The following MICOS10 variants were observed in gnomAD, a reference collection of about 807,000 sequenced individuals.
MICOS10 encodes MICOS complex subunit MIC10.
Under a neutral mutation model 13.4 loss-of-function variants are expected in MICOS10, and 5 were observed. The ratio of observed to expected loss-of-function variants is 0.37; its 90% CI spans 0.20 to 0.78. The LOEUF is 0.78. Among genes scored for constraint, MICOS10 ranks in the 30% least tolerant of loss-of-function variants. The probability of loss-of-function intolerance (pLI) is 0.47; values close to 1 mark genes in which losing one functional copy is unlikely to be tolerated. For synonymous variants in MICOS10, 35 were observed against 33.6 expected (o/e 1.04, Z -0.15); for missense variants, 101 against 94.6 (o/e 1.07, Z -0.28).
intron 1 of MICOS10, 141 bp downstream of exon 1, chr1:19,597,250 G>T (rs958682441): frequency 1.0e-5 from 9 of 869,582 alleles, no homozygotes; most frequent in Middle Eastern, 3.5e-4. Flanking sequence ...AGGGCGAGCC[G>T]CCCGGGCCCC....
intron 1 of MICOS10, chr1:19,600,937 T>C (rs2094811767): frequency 7.8e-7 from 1 of 1,289,274 alleles, no homozygotes; most frequent in African/African-American, 1.5e-5. Flanking sequence ...TGGCAAAGAC[T>C]GAAGGGAAGC....
intron 1 of MICOS10, chr1:19,608,186 G>A: frequency 7.3e-7 from 1 of 1,372,674 alleles, no homozygotes; most frequent in Non-Finnish European, 1.0e-6. Flanking sequence ...GGCTGAAGGG[G>A]AGAATGTATT....
chr1:19,605,055 A>G (rs908526998), intron 1 of MICOS10, among the ~76,000 whole-genome samples: 3 of 152,170 alleles, frequency 2.0e-5, no homozygotes, highest in Non-Finnish European at 4.4e-5. Context: ...CATTTTTACA[A>G]TGGAAGCTCA....
intron 1 of MICOS10, chr1:19,608,753 T>C (rs2100271403): frequency 8.0e-6 from 4 of 500,144 alleles, no homozygotes; most frequent in South Asian, 4.6e-5. Context: ...AAACTTTTGC[T>C]CTTTGAATGG....
chr1:19,615,233 C>G (rs1046981410), intron 1 of MICOS10, among the ~76,000 whole-genome samples: 1 of 152,150 alleles, frequency 6.6e-6, no homozygotes, highest in African/African-American at 2.4e-5. Flanking sequence ...GTACTCTTGC[C>G]CTTTAGTGCT....
At chr1:19,608,792 G>T (rs1013626940) in intron 1 of MICOS10, among the ~76,000 whole-genome samples, 1 of 151,848 alleles carries the variant, frequency 6.6e-6, no homozygotes, top group Non-Finnish European at 1.5e-5. Flanking sequence ...AAGGCAAGCC[G>T]CAGAATGGGA....
At chr1:19,622,959 G>T (rs1009904876) in intron 2 of MICOS10, among the ~76,000 whole-genome samples, 1 of 124,960 alleles carries the variant, frequency 8.0e-6, no homozygotes, top group East Asian at 2.3e-4. Context: ...GTCTTGCTCT[G>T]TCGCCAGGCT....
intron 1 of MICOS10, among the ~76,000 whole-genome samples, chr1:19,615,337 C>A (rs914016696): frequency 2.7e-5 from 4 of 148,614 alleles, no homozygotes; most frequent in African/African-American, 1.0e-4. Context: ...TACTAGTCTT[C>A]CAAGTGTTTT....
At chr1:19,614,038 A>G (rs949780860) in intron 1 of MICOS10, among the ~76,000 whole-genome samples, 1 of 152,152 alleles carries the variant, frequency 6.6e-6, no homozygotes, top group Admixed American at 6.5e-5. Context: ...CCAGAAAACA[A>G]TGTAGATGTT....
chr1:19,620,572 A>G (rs2094899500), intron 1 of MICOS10, among the ~76,000 whole-genome samples: 1 of 152,248 alleles, frequency 6.6e-6, no homozygotes, highest in Non-Finnish European at 1.5e-5. Flanking sequence ...TTGAACTAAG[A>G]CCATAGAGCA....
chr1:19,626,291 G>A (rs2100340988), intron 3 of MICOS10, 96 bp from the exon 4 acceptor site: 1 of 1,462,960 alleles, frequency 6.8e-7, no homozygotes, highest in East Asian at 2.3e-5. Flanking sequence ...TAAGGTTTTG[G>A]CTTCTGGCCC....
At chr1:19,610,942 AT>A (rs2094858179) in intron 1 of MICOS10, among the ~76,000 whole-genome samples, 1 of 149,316 alleles carries the variant, frequency 6.7e-6, no homozygotes, top group African/African-American at 2.6e-5. Context: ...GGAATTTTTT[AT>A]TTATTTCTCT....
chr1:19,626,489 T>A lies in MICOS10; in HGVS notation c.*88T>A. The A allele has an allele frequency of 7.0e-7, 1 of 1,425,462 alleles. No homozygotes were observed. The highest frequency in any genetic ancestry group is 1.4e-5 in the African/African-American group (1 of 71,470). 88.3% of individuals were successfully genotyped at this position (1,425,462 alleles called of 1,614,324 possible). On this transcript the variant is annotated 3_prime_UTR_variant, in exon 4 of 4. Transcript: ENST00000322753. ...GAAGTGCCCTGGAGTAAGCTGCCAT[T>A]CTTCTGTAACAATGTTATCAGTAAT...
intron 1 of MICOS10, among the ~76,000 whole-genome samples, chr1:19,602,877 T>C (rs150752165): frequency 1.7e-4 from 26 of 152,214 alleles, no homozygotes; most frequent in Admixed American, 1.4e-3. Flanking sequence ...ACAGAGCCGA[T>C]GTCCTCAGCT....
At position 19,629,023 on chromosome 1, in the gene MICOS10, A is replaced by G. The variant is rs1256422672; in HGVS notation, c.*2622A>G. 6.6e-6 allele frequency: 1 copy of G among 152,394 alleles called. No homozygotes were observed. Among genetic ancestry groups the G allele is most frequent in the Middle Eastern group, 3.4e-3 (1 of 294 alleles). 9.4% of individuals were successfully genotyped at this position (152,394 alleles called of 1,614,324 possible). A position where few individuals can be genotyped will look rare whatever the true frequency, so the allele number is the denominator to read the frequency against. On this transcript the variant is annotated 3_prime_UTR_variant, in exon 4 of 4. Transcript: ENST00000322753. ...CACTGGCCAGTTGCTTTAGTTCTAG[A>G]TAGCTTTGTATTCCCGCCTTGTTGC...
At chr1:19,608,890 CAG>C (rs147946210) in intron 1 of MICOS10, among the ~76,000 whole-genome samples, 3,116 of 151,626 alleles carry the variant, frequency 0.021, 109 homozygotes, top group African/African-American at 0.071. Context: ...CCCATAGACT[CAG>C]GGTCTCACAT....
chr1:19,612,238 A>G (rs1388966838), intron 1 of MICOS10, among the ~76,000 whole-genome samples: 1 of 149,040 alleles, frequency 6.7e-6, no homozygotes, highest in Non-Finnish European at 1.5e-5. Context: ...TTTAATTTTT[A>G]GTAGAGACGG....
intron 1 of MICOS10, among the ~76,000 whole-genome samples, chr1:19,604,761 A>T (rs543298872): frequency 2.0e-5 from 3 of 152,282 alleles, no homozygotes; most frequent in Admixed American, 2.0e-4. Flanking sequence ...ACAGGTGAAT[A>T]GGCACTGGCC....
intron 1 of MICOS10, among the ~76,000 whole-genome samples, chr1:19,610,357 C>T (rs1480325917): frequency 2.1e-5 from 1 of 47,686 alleles, no homozygotes; most frequent in East Asian, 6.5e-4. Context: ...CCCCACCCCC[C>T]ACCCCCCGGC....
Sources: gnomAD v4.1 joint callset for allele counts (sites outside exome capture counted in the v4.1 genomes callset) on GRCh38, gnomAD v4.1.1 for gene constraint, MANE v1.5 for transcripts, NCBI Gene and HGNC (gene_info 2026-07-23, HGNC 2026-07-21) for gene names.